Variants in SNX24 observed in about 807,000 individuals in gnomAD.
SNX24 encodes sorting nexin 24.
Under a neutral mutation model 28.7 loss-of-function variants are expected in SNX24, and 22 were observed. The observed-to-expected ratio is 0.77, with a 90% CI of 0.55 to 1.10. The LOEUF is 1.10. Among genes scored for constraint, SNX24 ranks in the 50% least tolerant of loss-of-function variants. The pLI, the probability that SNX24 is intolerant of heterozygous loss-of-function variation, is 0.00. For missense variants in SNX24, 221 were observed against 201.1 expected, an observed-to-expected ratio of 1.10 and a Z score of -0.60; for synonymous variants, 69 against 71.5, an observed-to-expected ratio of 0.96 and a Z score of 0.18.
chr5:123,028,850 C>A, intron 5 of SNX24: 1 of 1,611,246 alleles, frequency 6.2e-7, no homozygotes, highest in Non-Finnish European at 8.5e-7. Context: ...AACTTGCTTC[C>A]TTTATATCCA....
chr5:123,010,371 A>C (rs936498858), downstream of SNX24, among the ~76,000 whole-genome samples: 1 of 151,924 alleles, frequency 6.6e-6, no homozygotes, highest in Non-Finnish European at 1.5e-5. Flanking sequence ...ACTCACTGCA[A>C]CTTCTGCCTC....
chr5:122,906,292 CCTGT>C (rs370497667), intron 1 of SNX24, among the ~76,000 whole-genome samples: 2 of 152,162 alleles, frequency 1.3e-5, no homozygotes, highest in African/African-American at 4.8e-5. Context: ...ATGCTGCCCT[CCTGT>C]CTGTCATTGT....
intron 1 of SNX24, among the ~76,000 whole-genome samples, chr5:122,910,744 TTAC>T (rs1327005375): frequency 6.6e-6 from 1 of 151,584 alleles, no homozygotes; most frequent in Non-Finnish European, 1.5e-5. Context: ...TTGCGATAGT[TTAC>T]TGAGAATGAT....
At chr5:122,981,399 TGAGAAG>T (rs1184561992) in intron 3 of SNX24, among the ~76,000 whole-genome samples, 1 of 151,906 alleles carries the variant, frequency 6.6e-6, no homozygotes, top group Non-Finnish European at 1.5e-5. Flanking sequence ...AATAGGAGAG[TGAGAAG>T]ATGAAAAAGA....
At chr5:122,908,446 T>A (rs1757741867) in intron 1 of SNX24, among the ~76,000 whole-genome samples, 1 of 152,202 alleles carries the variant, frequency 6.6e-6, no homozygotes, top group Non-Finnish European at 1.5e-5. Flanking sequence ...TTTTCCCATA[T>A]AAACACGAAG....
At chr5:123,004,416 G>C (rs912132073) in intron 6 of SNX24, among the ~76,000 whole-genome samples, 4 of 152,118 alleles carry the variant, frequency 2.6e-5, no homozygotes, top group African/African-American at 7.2e-5. Context: ...ATGTTGATCT[G>C]TTTCTCCTCC....
At chr5:122,851,578 G>A (rs993078463) in intron 1 of SNX24, among the ~76,000 whole-genome samples, 16 of 152,060 alleles carry the variant, frequency 1.1e-4, no homozygotes, top group African/African-American at 3.9e-4. Context: ...TATCTTCTTG[G>A]GACCTGGATA....
At chr5:122,890,562 T>C (rs1756927988) in intron 1 of SNX24, among the ~76,000 whole-genome samples, 1 of 150,064 alleles carries the variant, frequency 6.7e-6, no homozygotes, top group Non-Finnish European at 1.5e-5. Context: ...CTCCGCCTCC[T>C]AGGTTCAAGC....
chr5:122,900,073 G>T (rs1267108028), intron 1 of SNX24, among the ~76,000 whole-genome samples: 1 of 152,038 alleles, frequency 6.6e-6, no homozygotes, highest in Non-Finnish European at 1.5e-5. Context: ...AGGCTGGAGT[G>T]CAGTGGCGTG....
intron 1 of SNX24, among the ~76,000 whole-genome samples, chr5:122,884,401 C>G (rs1273638998): frequency 6.6e-6 from 1 of 151,640 alleles, no homozygotes; most frequent in African/African-American, 2.4e-5. Flanking sequence ...AATGCGCCAC[C>G]ACCTCTGGCT....
At chr5:122,931,760 C>T (rs1758968005) in intron 1 of SNX24, among the ~76,000 whole-genome samples, 1 of 151,936 alleles carries the variant, frequency 6.6e-6, no homozygotes, top group Non-Finnish European at 1.5e-5. Context: ...TATAGAACCC[C>T]CGTCTGTATT....
intron 5 of SNX24, among the ~76,000 whole-genome samples, chr5:123,027,097 G>A (rs1397684127): frequency 1.3e-5 from 2 of 152,138 alleles, no homozygotes; most frequent in East Asian, 1.9e-4. Context: ...GGGAGTCTGA[G>A]GCAGGAGAAT....
At position 122,951,619 on chromosome 5, in the gene SNX24, T is replaced by G. The variant is rs528864967; in HGVS notation, c.249+5460T>G. ...TGTCTTCCCTGAGACTCCACTGAAA[T>G]GAAAGTACAGAAACTTAAGAATGAA... is the stretch of plus-strand genomic sequence containing the variant. On this transcript the variant is annotated intron_variant, in intron 3 of 6. Transcript: ENST00000261369. Among the ~76,000 whole-genome samples, 14 of 152,216 alleles carry G rather than the reference T, an allele frequency of 9.2e-5. No individual in the cohort carries two copies. In the South Asian group the frequency reaches 2.7e-3, roughly 29 times the overall value.
chr5:122,873,926 T>G (rs1014809355), intron 1 of SNX24, among the ~76,000 whole-genome samples: 1 of 152,104 alleles, frequency 6.6e-6, no homozygotes, highest in African/African-American at 2.4e-5. Context: ...CCACCACGTC[T>G]GGCTAATTTT....
intron 1 of SNX24, among the ~76,000 whole-genome samples, chr5:122,867,770 A>G (rs1755785888): frequency 6.6e-6 from 1 of 152,186 alleles, no homozygotes; most frequent in East Asian, 1.9e-4. Context: ...ATGAGACACA[A>G]ATACCTTCAC....
intron 5 of SNX24, among the ~76,000 whole-genome samples, chr5:123,017,344 C>T: frequency 6.6e-6 from 1 of 152,148 alleles, no homozygotes; most frequent in Middle Eastern, 3.2e-3. Flanking sequence ...CTGGGCCTTT[C>T]CTCTTGCCAT....
intron 1 of SNX24, among the ~76,000 whole-genome samples, chr5:122,900,677 G>A (rs1317456810): frequency 6.6e-6 from 1 of 152,146 alleles, no homozygotes; most frequent in Non-Finnish European, 1.5e-5. Flanking sequence ...GCTGAGGCGG[G>A]AGGATTGCTT....
chr5:122,954,728 T>A (rs985229052), intron 3 of SNX24, among the ~76,000 whole-genome samples: 7 of 151,612 alleles, frequency 4.6e-5, no homozygotes, highest in Non-Finnish European at 4.4e-5. Flanking sequence ...TTCTGATTTT[T>A]AAAAAAAAAT....
chr5:122,949,692 TA>T (rs1759846704), intron 3 of SNX24, among the ~76,000 whole-genome samples: 1 of 152,210 alleles, frequency 6.6e-6, no homozygotes, highest in Non-Finnish European at 1.5e-5. Flanking sequence ...GCCTGGAGAT[TA>T]AAAACAATAG....
Sources: gnomAD v4.1 joint callset for allele counts (sites outside exome capture counted in the v4.1 genomes callset) on GRCh38, gnomAD v4.1.1 for gene constraint, MANE v1.5 for transcripts, NCBI Gene and HGNC (gene_info 2026-07-23, HGNC 2026-07-21) for gene names.